The following PDE4D variants were observed in gnomAD, a reference collection of about 807,000 sequenced individuals.
The protein encoded by PDE4D is 3',5'-cyclic-AMP phosphodiesterase 4D.
A neutral mutation model predicts 87.4 loss-of-function variants in PDE4D; 24 were observed. The observed-to-expected ratio is 0.27, with a 90% confidence interval of 0.20 to 0.39. The LOEUF (loss-of-function observed/expected upper bound fraction) is 0.39, where lower values mean the gene tolerates loss of function less well. Ranked by LOEUF, PDE4D falls within the 10% of genes least tolerant of loss-of-function variation. The pLI is 1.00. For missense variants in PDE4D, 714 were observed against 1,041.0 expected (o/e 0.69, Z 4.32); for synonymous variants, 384 against 383.2 (o/e 1.00, Z -0.02).
chr5:59,336,497 T>A (rs755834805), intron 1 of PDE4D, among the ~76,000 whole-genome samples: 1 of 152,222 alleles, frequency 6.6e-6, no homozygotes, highest in Non-Finnish European at 1.5e-5. Context: ...TAGAAGCAGG[T>A]GTAATTAATA....
chr5:59,252,405 A>C (rs35305), intron 1 of PDE4D, among the ~76,000 whole-genome samples: 81,999 of 151,974 alleles, frequency 0.54, 22,629 homozygotes, highest in Admixed American at 0.59. Flanking sequence ...AGGTGATTTT[A>C]TCTCTGCAAG....
intron 1 of PDE4D, among the ~76,000 whole-genome samples, chr5:59,850,918 T>C (rs1454454500): frequency 6.6e-6 from 1 of 152,066 alleles, no homozygotes; most frequent in African/African-American, 2.4e-5. Flanking sequence ...TGTTGTTAAC[T>C]GAGGTTAACA....
intron 1 of PDE4D, among the ~76,000 whole-genome samples, chr5:59,452,862 G>C (rs1799373511): frequency 6.6e-6 from 1 of 152,020 alleles, no homozygotes; most frequent in Non-Finnish European, 1.5e-5. Context: ...AAGGACTATG[G>C]CTTAACAGAT....
intron 1 of PDE4D, among the ~76,000 whole-genome samples, chr5:59,612,633 C>A (rs1304940013): frequency 1.3e-5 from 2 of 151,740 alleles, no homozygotes; most frequent in African/African-American, 4.8e-5. Flanking sequence ...GCAGGGAGAA[C>A]AATTTAAAAA....
intron 1 of PDE4D, among the ~76,000 whole-genome samples, chr5:60,397,712 C>A (rs955722635): frequency 1.3e-5 from 2 of 152,148 alleles, no homozygotes; most frequent in African/African-American, 2.4e-5. Context: ...GAAATAAGTT[C>A]AAGGGATCTA....
At chr5:59,967,898 A>G (rs1760231364) in intron 3 of PDE4D, among the ~76,000 whole-genome samples, 1 of 151,918 alleles carries the variant, frequency 6.6e-6, no homozygotes, top group East Asian at 1.9e-4. Flanking sequence ...CATATATACT[A>G]TAGAATACTA....
At chr5:59,990,255 A>G (rs561073698) in intron 2 of PDE4D, among the ~76,000 whole-genome samples, 2 of 152,312 alleles carry the variant, frequency 1.3e-5, no homozygotes, top group African/African-American at 4.8e-5. Flanking sequence ...TGTGGACCAA[A>G]TATATAAAGT....
At chr5:60,197,077 T>TAGATAGA (rs1562208441) in intron 1 of PDE4D, among the ~76,000 whole-genome samples, 2 of 117,492 alleles carry the variant, frequency 1.7e-5, no homozygotes, top group East Asian at 2.5e-4. Context: ...AGATAGACAG[T>TAGATAGA]TAGATAGATA....
At chr5:59,608,368 G>C (rs190609613) in intron 1 of PDE4D, among the ~76,000 whole-genome samples, 1 of 152,260 alleles carries the variant, frequency 6.6e-6, no homozygotes, top group Non-Finnish European at 1.5e-5. Context: ...TTTATTTGCT[G>C]TGTATTATGT....
At chr5:59,529,860 T>A (rs1813870266) in intron 1 of PDE4D, among the ~76,000 whole-genome samples, 1 of 152,186 alleles carries the variant, frequency 6.6e-6, no homozygotes, top group African/African-American at 2.4e-5. Flanking sequence ...TAGTGCACTG[T>A]ATTCGGAAAA....
intron 5 of PDE4D, among the ~76,000 whole-genome samples, chr5:59,167,448 G>A (rs765793354): frequency 2.0e-5 from 3 of 152,274 alleles, no homozygotes; most frequent in South Asian, 2.1e-4. Context: ...TCGGTTTCAC[G>A]ACCAGTTCTT....
chr5:59,629,884 G>A (rs1339054257), intron 1 of PDE4D, among the ~76,000 whole-genome samples: 1 of 152,198 alleles, frequency 6.6e-6, no homozygotes, highest in Non-Finnish European at 1.5e-5. Flanking sequence ...GTCTGAGTTA[G>A]CATGATCCCT....
intron 2 of PDE4D, among the ~76,000 whole-genome samples, chr5:60,021,527 T>G (rs1766067184): frequency 6.6e-6 from 1 of 152,202 alleles, no homozygotes; most frequent in South Asian, 2.1e-4. Flanking sequence ...AATAAGAATT[T>G]GTGGTAATTT....
chr5:59,559,404 T>C (rs551194086), intron 1 of PDE4D, among the ~76,000 whole-genome samples: 32 of 152,338 alleles, frequency 2.1e-4, no homozygotes, highest in African/African-American at 7.7e-4. Flanking sequence ...CATTACAATG[T>C]TCTTCAAAAT....
At chr5:59,699,135 C>T (rs989534263) in intron 1 of PDE4D, among the ~76,000 whole-genome samples, 2 of 152,076 alleles carry the variant, frequency 1.3e-5, no homozygotes, top group Middle Eastern at 3.2e-3. Flanking sequence ...AATTGATCTA[C>T]AGCTGGGGAA....
chr5:60,459,280 A>C (rs968651356), intron 1 of PDE4D, among the ~76,000 whole-genome samples: 2 of 152,220 alleles, frequency 1.3e-5, no homozygotes, highest in African/African-American at 4.8e-5. Context: ...TAAATATCAC[A>C]ATAAACATGC....
chr5:59,509,807 A>G (rs974835020), intron 1 of PDE4D, among the ~76,000 whole-genome samples: 9 of 148,596 alleles, frequency 6.1e-5, no homozygotes, highest in African/African-American at 2.2e-4. Context: ...GCCTAAATTA[A>G]TATTTTTGAA....
At chr5:59,952,386 C>G (rs1758389378) in intron 3 of PDE4D, among the ~76,000 whole-genome samples, 1 of 152,214 alleles carries the variant, frequency 6.6e-6, no homozygotes, top group South Asian at 2.1e-4. Context: ...CTCCCTCTTT[C>G]TCGTCACTTC....
chr5:60,474,252 C>T lies in PDE4D; in HGVS notation c.-90+13690G>A, dbSNP rs1260846226. ...ATCAAGGCACCAGCAGATTAAATGT[C>T]TGGTGAGGGCTCATACCTTATAGAC... On this transcript the variant is annotated intron_variant, in intron 1 of 16. Coordinates refer to the PDE4D transcript ENST00000502484. Among the ~76,000 whole-genome samples, 6 of 150,458 alleles carry T rather than the reference C, an allele frequency of 4.0e-5. No individual in the cohort carries two copies. In the East Asian group the frequency reaches 9.9e-4, roughly 25 times the overall value.
Sources: gnomAD v4.1 joint callset for allele counts (sites outside exome capture counted in the v4.1 genomes callset) on GRCh38, gnomAD v4.1.1 for gene constraint, MANE v1.5 for transcripts, NCBI Gene and HGNC (gene_info 2026-07-23, HGNC 2026-07-21) for gene names.